Variants in RERE observed in about 807,000 individuals in gnomAD.
RERE encodes arginine-glutamic acid dipeptide repeats, also known as arginine-glutamic acid dipeptide repeats protein.
In RERE, 40 loss-of-function variants were observed where a neutral mutation model predicts 146.1. The ratio of observed to expected loss-of-function variants is 0.27; its 90% CI spans 0.21 to 0.36. RERE has a LOEUF of 0.36. RERE is among the 10% of genes least tolerant of loss of function. RERE has a pLI of 1.00. For synonymous variants in RERE, 1,003 were observed against 866.0 expected (o/e 1.16, Z -2.78); for missense variants, 1,933 against 2,138.7 (o/e 0.90, Z 1.90).
At position 8,364,270 on chromosome 1, in the gene RERE, T is replaced by C; in HGVS notation, c.1541-15A>G. ...ATCTTTGGAGGCTGTGTGAGGGAAGTGGTGGGGGCCAACCTTGGAAACCAT... is the reference window on the plus strand; with the variant it reads ...ATCTTTGGAGGCTGTGTGAGGGAAGCGGTGGGGGCCAACCTTGGAAACCAT... On this transcript the variant is annotated splice_polypyrimidine_tract_variant and intron_variant, in intron 14 of 22. Coordinates refer to ENST00000400908, the MANE Select transcript of RERE (RefSeq NM_001042681.2). This position sits in a 1 kb window ranked among gnomAD's most constrained non-coding sequence, Gnocchi z 5.1. 1 of 1,612,640 alleles carries C rather than the reference T, an allele frequency of 6.2e-7. No homozygotes were observed. Among genetic ancestry groups the C allele is most frequent in the Non-Finnish European group, 8.5e-7 (1 of 1,178,812 alleles).
intron 4 of RERE, among the ~76,000 whole-genome samples, chr1:8,587,377 T>C (rs1043082572): frequency 5.3e-5 from 8 of 152,250 alleles, no homozygotes; most frequent in African/African-American, 1.9e-4. Flanking sequence ...GTGCATCTAA[T>C]AATTACCTCA....
intron 1 of RERE, among the ~76,000 whole-genome samples, chr1:8,733,475 T>C (rs78121644): frequency 0.048 from 7,287 of 152,300 alleles, 576 homozygotes; most frequent in African/African-American, 0.17. Flanking sequence ...TAAAAGACAT[T>C]GCAGCTTTCA....
intron 1 of RERE, among the ~76,000 whole-genome samples, chr1:8,701,328 ACACT>A (rs1639445868): frequency 8.0e-6 from 1 of 124,646 alleles, no homozygotes; most frequent in South Asian, 2.4e-4. Context: ...ACACACGCAC[ACACT>A]CCCTCCCTCC....
chr1:8,363,115 C>T (rs964363130), intron 15 of RERE, among the ~76,000 whole-genome samples: 8 of 152,242 alleles, frequency 5.3e-5, no homozygotes, highest in African/African-American at 4.8e-5. Context: ...TCCTGAACAA[C>T]GTGTGCTGGA....
At chr1:8,640,711 T>C (rs1647165419) in intron 2 of RERE, among the ~76,000 whole-genome samples, 1 of 152,246 alleles carries the variant, frequency 6.6e-6, no homozygotes. Flanking sequence ...ATGAATTCAA[T>C]GGACTTGGTA....
chr1:8,504,182 T>G (rs567605968), intron 8 of RERE, among the ~76,000 whole-genome samples: 1 of 152,298 alleles, frequency 6.6e-6, no homozygotes, highest in South Asian at 2.1e-4. Context: ...GCACCCAGTA[T>G]GTAAATACCA....
intron 7 of RERE, among the ~76,000 whole-genome samples, chr1:8,526,562 T>A (rs1386418806): frequency 6.6e-6 from 1 of 151,908 alleles, no homozygotes; most frequent in East Asian, 1.9e-4. Context: ...GTGTAGATGG[T>A]ATTGTGAGCA....
At chr1:8,578,040 G>A (rs1459052418) in intron 4 of RERE, among the ~76,000 whole-genome samples, 5 of 151,300 alleles carry the variant, frequency 3.3e-5, no homozygotes, top group South Asian at 2.2e-4. Flanking sequence ...GCAGTGAGCC[G>A]AGTTTGCGCC....
At chr1:8,729,217 ATTTTTTTTT>A (rs1173630956) in intron 1 of RERE, among the ~76,000 whole-genome samples, 1 of 100,420 alleles carries the variant, frequency 1.0e-5, no homozygotes, top group African/African-American at 3.6e-5. Flanking sequence ...AGCTACACCG[ATTTTTTTTT>A]TTTTTTTTTT....
In RERE at chr1:8,551,497, C is replaced by A. The variant is rs149377236; in HGVS notation, c.725+4978G>T. 2.8e-3 allele frequency among the ~76,000 whole-genome samples: 431 copies of A among 152,288 alleles called. 2 individuals carry two copies. The highest frequency in any genetic ancestry group is 0.014 in the Middle Eastern group (4 of 294). ...GAATCTAAATATCTAATCCCTCCTCCGCCAACAGGCCACAGAGAAATAGTA... is the reference window on the plus strand; with the variant it reads ...GAATCTAAATATCTAATCCCTCCTCAGCCAACAGGCCACAGAGAAATAGTA... On this transcript the variant is annotated intron_variant, in intron 6 of 22. Transcript: ENST00000400908.
At chr1:8,453,635 G>T (rs2124080783) in intron 11 of RERE, among the ~76,000 whole-genome samples, 1 of 152,168 alleles carries the variant, frequency 6.6e-6, no homozygotes, top group South Asian at 2.1e-4. Context: ...GTGAAACCCT[G>T]TCTCTACTAA....
intron 11 of RERE, among the ~76,000 whole-genome samples, chr1:8,461,925 G>T (rs927191882): frequency 2.0e-5 from 3 of 152,028 alleles, no homozygotes; most frequent in African/African-American, 7.2e-5. Flanking sequence ...GCTCACTGCA[G>T]CCTCTAACCC....
chr1:8,497,367 C>T (rs1645059127), intron 9 of RERE, 38 bp downstream of exon 9: 1 of 1,612,608 alleles, frequency 6.2e-7, no homozygotes. Flanking sequence ...TTCAGATGGT[C>T]TAATTCAGAA....
At chr1:8,662,293 C>T (rs1570579522) in intron 1 of RERE, among the ~76,000 whole-genome samples, 1 of 152,194 alleles carries the variant, frequency 6.6e-6, no homozygotes, top group Non-Finnish European at 1.5e-5. Flanking sequence ...CCAACACCAC[C>T]CCCAAACATC....
chr1:8,402,572 C>G (rs575206534), intron 12 of RERE, among the ~76,000 whole-genome samples: 1 of 152,288 alleles, frequency 6.6e-6, no homozygotes, highest in East Asian at 1.9e-4. Context: ...TTTGCATTCC[C>G]GGGATAACTC....
chr1:8,808,991 A>T (rs563078314), intron 1 of RERE, among the ~76,000 whole-genome samples: 3 of 152,032 alleles, frequency 2.0e-5, no homozygotes, highest in African/African-American at 7.2e-5. Context: ...ACAAAAAATT[A>T]GTCAGGCATG....
chr1:8,440,763 G>T (rs1644236647), intron 11 of RERE, among the ~76,000 whole-genome samples: 1 of 151,360 alleles, frequency 6.6e-6, no homozygotes, highest in African/African-American at 2.4e-5. Flanking sequence ...GGGCATGGTG[G>T]TACATGCCTG....
At chr1:8,638,413 G>T (rs1022158676) in intron 2 of RERE, among the ~76,000 whole-genome samples, 33 of 152,244 alleles carry the variant, frequency 2.2e-4, no homozygotes, top group Non-Finnish European at 4.3e-4. Context: ...TGATGAACTG[G>T]TAAAAATAAA....
chr1:8,488,717 G>C (rs74052825), intron 10 of RERE, among the ~76,000 whole-genome samples: 1 of 151,986 alleles, frequency 6.6e-6, no homozygotes, highest in Admixed American at 6.6e-5. Context: ...CCCTAATAAC[G>C]ATCAATGAGA....
Sources: gnomAD v4.1 joint callset for allele counts (sites outside exome capture counted in the v4.1 genomes callset) on GRCh38, gnomAD v4.1.1 for gene constraint, Gnocchi (gnomAD v3.1) non-coding constraint, MANE v1.5 for transcripts, NCBI Gene and HGNC (gene_info 2026-07-23, HGNC 2026-07-21) for gene names.